ANPEP: variants seen among roughly 807,000 people sequenced by gnomAD.
The protein encoded by ANPEP is alanyl aminopeptidase, membrane.
ANPEP carries 70 observed loss-of-function variants against 114.6 expected under a neutral mutation model. The observed-to-expected ratio is 0.61, with a 90% CI of 0.50 to 0.75. The LOEUF (loss-of-function observed/expected upper bound fraction) is 0.75. Ranked by LOEUF, ANPEP falls within the 30% of genes least tolerant of loss-of-function variation. ANPEP has a pLI of 0.00. For missense variants in ANPEP, 1,184 were observed against 1,259.5 expected, an observed-to-expected ratio of 0.94 and a Z score of 0.91; for synonymous variants, 548 against 522.3, an observed-to-expected ratio of 1.05 and a Z score of -0.67.
chr15:89,812,570 T>C (rs1414254903), intron 1 of ANPEP, among the ~76,000 whole-genome samples: 1 of 151,954 alleles, frequency 6.6e-6, no homozygotes, highest in African/African-American at 2.4e-5. Context: ...AGCAGAGGCA[T>C]TTGTGGGTGG....
rs796211476 is a variant in ANPEP at position 89,813,992 on chromosome 15, G to C, written c.-224+780C>G. Among the ~76,000 whole-genome samples the C allele has an allele frequency of 4.2e-3, 346 of 82,936 alleles. 3 individuals carry two copies. The highest frequency in any genetic ancestry group is 0.036 in the East Asian group (107 of 2,994). The allele number at this position is 82,936 out of a possible 152,430, so 54.4% of individuals were successfully genotyped here. ...GGCCGTCCCTGCCCACCGCACTGCTGGGGGGGGGGGGTGCGTTCTGGAGTC... is the reference window on the plus strand; with the variant it reads ...GGCCGTCCCTGCCCACCGCACTGCTCGGGGGGGGGGGTGCGTTCTGGAGTC... On this transcript the variant is annotated intron_variant, in intron 1 of 20. Transcript: ENST00000300060.
chr15:89,789,591 G>C (rs1968575607), intron 20 of ANPEP, among the ~76,000 whole-genome samples: 2 of 151,408 alleles, frequency 1.3e-5, no homozygotes, highest in Admixed American at 6.6e-5. Context: ...TGGCCAACAT[G>C]GTGAAACCTC....
intron 18 of ANPEP, among the ~76,000 whole-genome samples, 182 bp from the exon 19 acceptor site, chr15:89,791,275 G>A (rs1968619262): frequency 6.6e-6 from 1 of 152,124 alleles, no homozygotes; most frequent in Non-Finnish European, 1.5e-5. Flanking sequence ...ACCTAAGCAG[G>A]GTCACAGGGT....
In ANPEP at chr15:89,805,204, T is replaced by C. The variant is rs772315076; in HGVS notation, c.771A>G (p.Pro257=). Residue 257 remains proline (P), a synonymous_variant, in exon 4 of 21, where the codon CCA becomes CCG. Coordinates refer to ENST00000300060, the MANE Select transcript of ANPEP (RefSeq NM_001150.3). ...SNMLPKGPST[P]LPEDPNWNVT... ...CATTCCAGTTGGGGTCTTCTGGAAG[T>C]GGGGTGCTGGGACCTGGGCAGGGAG... The C allele has an allele frequency of 6.2e-7, 1 of 1,614,066 alleles. No homozygotes were observed. Among genetic ancestry groups the C allele is most frequent in the Non-Finnish European group, 8.5e-7 (1 of 1,180,034 alleles).
intron 14 of ANPEP, among the ~76,000 whole-genome samples, chr15:89,798,986 C>A (rs1363151765): frequency 6.6e-6 from 1 of 151,802 alleles, no homozygotes; most frequent in Non-Finnish European, 1.5e-5. Flanking sequence ...AAACAAAAAG[C>A]TTGGTGCTGT....
chr15:89,803,677 A>G lies in ANPEP; in HGVS notation c.1407T>C (p.Ser469=), dbSNP rs756046117. 6 of 1,612,750 alleles carry G rather than the reference A, an allele frequency of 3.7e-6. No individual in the cohort carries two copies. The highest frequency in any genetic ancestry group is 2.2e-5 in the East Asian group (1 of 44,876). Residue 469 remains serine (S), a synonymous_variant, in exon 8 of 21, where the codon AGT becomes AGC. Coordinates refer to ENST00000300060, the MANE Select transcript of ANPEP (RefSeq NM_001150.3). This position sits in a 1 kb window ranked among gnomAD's most constrained non-coding sequence, Gnocchi z 4.2. ...ASEINTPAQI[S]ELFDAISYSK... ...TGTAGGAGATGGCGTCAAACAGCTC[A>G]CTGATCTGGGCCGGCGTGTTGATCT...
At chr15:89,811,912 G>A (rs984379455) in intron 1 of ANPEP, among the ~76,000 whole-genome samples, 1 of 152,172 alleles carries the variant, frequency 6.6e-6, no homozygotes, top group African/African-American at 2.4e-5. Flanking sequence ...ATGGGTTTAT[G>A]TATTTCTTCC....
rs529364648 is a variant in ANPEP, at chr15:89,802,852, C to T, written c.1569+387G>A. 2.4e-4 allele frequency: 66 copies of T among 269,868 alleles called. No individual in the cohort carries two copies. In the South Asian group the frequency reaches 2.7e-3, roughly 11 times the overall value. The allele number at this position is 269,868 out of a possible 1,614,324, so 16.7% of individuals were successfully genotyped here. A position where few individuals can be genotyped will look rare whatever the true frequency, so the allele number is the denominator to read the frequency against. On this transcript the variant is annotated intron_variant, in intron 10 of 20. Transcript: ENST00000300060. ...AGGGTGGTGGAGCTGTGTGCAGAGA[C>T]ATGCCCGTGGCGCCAGCGGGGGGCA...
intron 1 of ANPEP, among the ~76,000 whole-genome samples, chr15:89,814,484 G>C (rs1894873388): frequency 6.6e-6 from 1 of 151,938 alleles, no homozygotes; most frequent in Non-Finnish European, 1.5e-5. Flanking sequence ...GGCTCCCGTC[G>C]CCCTCGCCCA....
In ANPEP at chr15:89,803,489, T is replaced by A. The variant is rs1894638279; in HGVS notation, c.1456A>T (p.Met486Leu). 2 of 1,607,396 alleles carry A rather than the reference T, an allele frequency of 1.2e-6. No individual in the cohort carries two copies. Among genetic ancestry groups the A allele is most frequent in the African/African-American group, 1.3e-5 (1 of 74,768 alleles). Residue 486 changes from methionine to leucine, a missense_variant, in exon 9 of 21, where the codon ATG becomes TTG. By Grantham distance (15) the Met-to-Leu change is conservative. Coordinates refer to ENST00000300060, the MANE Select transcript of ANPEP (RefSeq NM_001150.3). The surrounding 1 kb of genome is among the most constrained non-coding windows in gnomAD (Gnocchi z 4.2). ...SYSKGASVLR[M>L]LSSFLSEDVF... ...TCCTCGGACAGGAAGCTGGAGAGCATCCTGAGGACTGAGGCGCCCTGGGGT... is the reference window on the plus strand; with the variant it reads ...TCCTCGGACAGGAAGCTGGAGAGCAACCTGAGGACTGAGGCGCCCTGGGGT...
chr15:89,811,667 GAAAAAAA>G (rs1157133133), intron 1 of ANPEP, among the ~76,000 whole-genome samples: 1 of 147,882 alleles, frequency 6.8e-6, no homozygotes, highest in Admixed American at 6.7e-5. Flanking sequence ...AAAAAAAAAA[GAAAAAAA>G]GAAAAAATTG....
intron 20 of ANPEP, among the ~76,000 whole-genome samples, chr15:89,788,985 A>G (rs1375261886): frequency 6.9e-6 from 1 of 144,848 alleles, no homozygotes; most frequent in Non-Finnish European, 1.5e-5. Flanking sequence ...TTATATATCA[A>G]TTTTTTTTTT....
chr15:89,800,828 C>T (rs1002854734), intron 12 of ANPEP, among the ~76,000 whole-genome samples: 4 of 152,196 alleles, frequency 2.6e-5, no homozygotes, highest in African/African-American at 9.6e-5. Flanking sequence ...GCTGGGATTA[C>T]AGGCATGAGC....
At position 89,804,318 on chromosome 15, in the gene ANPEP, G is replaced by C; in HGVS notation, c.1114C>G (p.Leu372Val). Reference sequence around the variant, plus strand: ...TCCTTGTTGCTGCTGGAGGAGGACAGGGGGTCGAACAGCAGGGAGTTCTCC... The same window carrying C: ...TCCTTGTTGCTGCTGGAGGAGGACACGGGGTCGAACAGCAGGGAGTTCTCC... ...YRENSLLFDP[L>V]SSSSSNKERV... Residue 372 changes from leucine (L) to valine (V), a missense_variant, in exon 6 of 21, where the codon CTG becomes GTG. Coordinates refer to ENST00000300060, the MANE Select transcript of ANPEP (RefSeq NM_001150.3). 1 of 1,614,184 alleles carries C rather than the reference G, an allele frequency of 6.2e-7. No homozygotes were observed. The highest frequency in any genetic ancestry group is 8.5e-7 in the Non-Finnish European group (1 of 1,180,020).
chr15:89,813,993 G>GGGT (rs941791337), intron 1 of ANPEP, among the ~76,000 whole-genome samples: 1 of 137,678 alleles, frequency 7.3e-6, no homozygotes, highest in Non-Finnish European at 1.6e-5. Context: ...CGCACTGCTG[G>GGGT]GGGGGGGGGG....
chr15:89,792,397 G>C (rs1168672918), intron 17 of ANPEP, 55 bp downstream of exon 17: 27 of 1,612,120 alleles, frequency 1.7e-5, no homozygotes, highest in Non-Finnish European at 2.2e-5. Flanking sequence ...TGCTGAGGAC[G>C]GGGCTGTTGG....
At chr15:89,807,744 C>A (rs1408895352) in intron 1 of ANPEP, among the ~76,000 whole-genome samples, 1 of 152,146 alleles carries the variant, frequency 6.6e-6, no homozygotes, top group Non-Finnish European at 1.5e-5. Flanking sequence ...CAAAGCTCAA[C>A]AATTGCCTCT....
At chr15:89,797,910 C>A (rs928159674) in intron 14 of ANPEP, among the ~76,000 whole-genome samples, 188 bp from the exon 15 acceptor site, 1 of 152,236 alleles carries the variant, frequency 6.6e-6, no homozygotes, top group Admixed American at 6.5e-5. Flanking sequence ...AGCTACATGG[C>A]TGCTGGGTGG....
chr15:89,792,523 G>A lies in ANPEP; in HGVS notation c.2289C>T (p.Asn763=), dbSNP rs775432882. ...EVNAISTACS[N]GVPECEEMVS... is the part of the protein sequence containing the mutation. ...CCATCTCCTCACACTCTGGAACTCC[G>A]TTGGAGCAGGCGGTGCTGATGGCAT... The change falls in exon 17 of 21, where the codon AAC becomes AAT. Residue 763 remains asparagine (N), a synonymous_variant. Transcript: ENST00000300060. 4.4e-5 allele frequency: 71 copies of A among 1,614,050 alleles called. No individual in the cohort carries two copies. Among genetic ancestry groups the A allele is most frequent in the East Asian group, 6.7e-5 (3 of 44,888 alleles).
Sources: gnomAD v4.1 joint callset for allele counts (sites outside exome capture counted in the v4.1 genomes callset) on GRCh38, gnomAD v4.1.1 for gene constraint, Gnocchi (gnomAD v3.1) non-coding constraint, MANE v1.5 for transcripts, NCBI Gene and HGNC (gene_info 2026-07-23, HGNC 2026-07-21) for gene names.